DSCAM: variants seen among roughly 807,000 people sequenced by gnomAD.
DSCAM encodes DS cell adhesion molecule, also known as cell adhesion molecule DSCAM.
In DSCAM, 47 loss-of-function variants were observed where a neutral mutation model predicts 217.7. The ratio of observed to expected loss-of-function variants is 0.22; its 90% confidence interval spans 0.17 to 0.28. DSCAM has a LOEUF of 0.28. DSCAM is among the 10% of genes least tolerant of loss of function. The probability of loss-of-function intolerance (pLI) is 1.00; values close to 1 mark genes in which losing one functional copy is unlikely to be tolerated. For synonymous variants in DSCAM, 1,056 were observed against 1,015.3 expected, an observed-to-expected ratio of 1.04 and a Z score of -0.76; for missense variants, 2,080 against 2,618.3, an observed-to-expected ratio of 0.79 and a Z score of 4.49.
intron 1 of DSCAM, among the ~76,000 whole-genome samples, chr21:40,724,627 A>T (rs989972913): frequency 1.3e-5 from 2 of 152,184 alleles, no homozygotes; most frequent in Non-Finnish European, 2.9e-5. Flanking sequence ...AGCCAACTGA[A>T]TCATTTCTCC....
chr21:40,320,447 T>C (rs1419292727), intron 8 of DSCAM, among the ~76,000 whole-genome samples: 4 of 152,144 alleles, frequency 2.6e-5, no homozygotes, highest in African/African-American at 9.7e-5. Context: ...TTTTTTATAG[T>C]AAATATGATT....
intron 1 of DSCAM, among the ~76,000 whole-genome samples, chr21:40,735,264 G>A (rs1220081596): frequency 6.6e-6 from 1 of 152,146 alleles, no homozygotes; most frequent in African/African-American, 2.4e-5. Flanking sequence ...GACTATTTGT[G>A]TTTACTGAAT....
chr21:40,286,453 G>T (rs1190301099), intron 10 of DSCAM, among the ~76,000 whole-genome samples: 1 of 152,162 alleles, frequency 6.6e-6, no homozygotes, highest in Admixed American at 6.5e-5. Flanking sequence ...AGGACAAAGG[G>T]ACCAGAACTT....
chr21:40,653,003 CTG>C (rs1423280173), intron 3 of DSCAM, among the ~76,000 whole-genome samples: 2 of 152,180 alleles, frequency 1.3e-5, no homozygotes, highest in African/African-American at 4.8e-5. Context: ...TGATGATACT[CTG>C]TATGTGTTGT....
At chr21:40,324,124 AAAAAAAAG>A (rs2074291456) in intron 8 of DSCAM, among the ~76,000 whole-genome samples, 1 of 140,754 alleles carries the variant, frequency 7.1e-6, no homozygotes, top group African/African-American at 2.9e-5. Flanking sequence ...AAAAAAAAAA[AAAAAAAAG>A]AAAAAAAAAA....
At chr21:40,500,498 T>G (rs1034588356) in intron 3 of DSCAM, among the ~76,000 whole-genome samples, 3 of 152,176 alleles carry the variant, frequency 2.0e-5, no homozygotes, top group Admixed American at 6.5e-5. Context: ...CTATTTTCTT[T>G]CCAAATCTTA....
At chr21:40,493,367 A>T (rs750410408) in intron 3 of DSCAM, among the ~76,000 whole-genome samples, 2 of 152,206 alleles carry the variant, frequency 1.3e-5, no homozygotes, top group Non-Finnish European at 2.9e-5. Flanking sequence ...TTAATAAACA[A>T]CACGAAAATA....
chr21:40,416,352 A>G (rs2075372016), intron 3 of DSCAM, among the ~76,000 whole-genome samples: 2 of 152,272 alleles, frequency 1.3e-5, no homozygotes, highest in South Asian at 4.1e-4. Context: ...GTGTTTTATC[A>G]ATAAAGGAAG....
intron 20 of DSCAM, among the ~76,000 whole-genome samples, chr21:40,114,673 G>A (rs1295327315): frequency 6.6e-6 from 1 of 152,114 alleles, no homozygotes; most frequent in Non-Finnish European, 1.5e-5. Flanking sequence ...ATCTGACAAA[G>A]GGCTAATATC....
At chr21:40,636,413 G>T (rs951269524) in intron 3 of DSCAM, among the ~76,000 whole-genome samples, 1 of 151,974 alleles carries the variant, frequency 6.6e-6, no homozygotes, top group Non-Finnish European at 1.5e-5. Context: ...AAGAAGGAAG[G>T]GGGTGGTTCA....
chr21:40,290,048 G>A (rs1382851773), intron 10 of DSCAM, among the ~76,000 whole-genome samples: 2 of 151,928 alleles, frequency 1.3e-5, no homozygotes, highest in African/African-American at 2.4e-5. Flanking sequence ...GAAAAGACAT[G>A]GAGAACAGAA....
At chr21:40,277,457 G>A (rs559838868) in intron 10 of DSCAM, among the ~76,000 whole-genome samples, 48 of 152,080 alleles carry the variant, frequency 3.2e-4, no homozygotes, top group African/African-American at 1.1e-3. Flanking sequence ...TTCCTTTCCC[G>A]TGTTTCTGGT....
At chr21:40,054,242 T>C (rs961463349) in intron 29 of DSCAM, among the ~76,000 whole-genome samples, 1 of 152,336 alleles carries the variant, frequency 6.6e-6, no homozygotes, top group African/African-American at 2.4e-5. Context: ...TAATAAAATC[T>C]TGTGTACTTT....
intron 32 of DSCAM, among the ~76,000 whole-genome samples, chr21:40,040,509 A>ATAAAG (rs1491322434): frequency 6.6e-6 from 1 of 152,236 alleles, no homozygotes; most frequent in Non-Finnish European, 1.5e-5. Flanking sequence ...AGGTGGAAAC[A>ATAAAG]TAAAGTACTT....
intron 3 of DSCAM, among the ~76,000 whole-genome samples, chr21:40,436,238 T>G (rs1289225352): frequency 2.0e-5 from 3 of 152,248 alleles, no homozygotes; most frequent in Admixed American, 2.0e-4. Context: ...TCAATTGTAG[T>G]GATGTATTTC....
At chr21:40,649,938 C>G (rs1342029398) in intron 3 of DSCAM, among the ~76,000 whole-genome samples, 1 of 152,092 alleles carries the variant, frequency 6.6e-6, no homozygotes, top group Non-Finnish European at 1.5e-5. Context: ...CTGGAGATTG[C>G]AGAAGGCTGG....
intron 10 of DSCAM, among the ~76,000 whole-genome samples, chr21:40,293,899 GA>G (rs371800012): frequency 4.2e-4 from 64 of 152,146 alleles, no homozygotes; most frequent in African/African-American, 1.4e-3. Context: ...GTTGACTGAA[GA>G]AAGATTATAA....
chr21:40,169,129 G>A (rs906691015), intron 15 of DSCAM, among the ~76,000 whole-genome samples: 1 of 152,154 alleles, frequency 6.6e-6, no homozygotes, highest in African/African-American at 2.4e-5. Context: ...ACAGGCTATG[G>A]AGTGAGTGGG....
intron 3 of DSCAM, among the ~76,000 whole-genome samples, chr21:40,586,787 G>C (rs188096575): frequency 7.2e-5 from 11 of 152,100 alleles, no homozygotes; most frequent in Admixed American, 6.5e-4. Context: ...CAATACTTAC[G>C]CAATCCTCAG....
Sources: allele counts gnomAD v4.1 joint callset (sites outside exome capture counted in the v4.1 genomes callset), GRCh38; gene constraint gnomAD v4.1.1; transcripts MANE v1.5; gene names NCBI Gene and HGNC (gene_info 2026-07-23, HGNC 2026-07-21).